IGSF21: variants seen among roughly 807,000 people sequenced by gnomAD.
The protein encoded by IGSF21 is immunoglobulin superfamily member 21.
In IGSF21, 28 loss-of-function variants were observed where a neutral mutation model predicts 46.8. The observed-to-expected ratio is 0.60, with a 90% CI of 0.44 to 0.82. The LOEUF is 0.82. Ranked by LOEUF, IGSF21 falls within the 40% of genes least tolerant of loss-of-function variation. IGSF21 has a pLI of 0.00. For missense variants in IGSF21, 624 were observed against 665.5 expected (o/e 0.94, Z 0.69); for synonymous variants, 284 against 273.6 (o/e 1.04, Z -0.38).
chr1:18,263,767 A>T (rs1315082709), intron 2 of IGSF21, among the ~76,000 whole-genome samples: 1 of 152,154 alleles, frequency 6.6e-6, no homozygotes, highest in South Asian at 2.1e-4. Flanking sequence ...CTTCCACTGC[A>T]TGCTCATCCC....
intron 1 of IGSF21, among the ~76,000 whole-genome samples, chr1:18,178,372 T>C (rs2086824283): frequency 6.6e-6 from 1 of 152,184 alleles, no homozygotes; most frequent in African/African-American, 2.4e-5. Context: ...CAGCCGAATG[T>C]CTTTCTTCCT....
At chr1:18,340,521 A>C (rs1220118611) in intron 4 of IGSF21, among the ~76,000 whole-genome samples, 2 of 152,228 alleles carry the variant, frequency 1.3e-5, no homozygotes, top group Non-Finnish European at 2.9e-5. Flanking sequence ...CAATAAGACA[A>C]GGTCCTTGCT....
intron 3 of IGSF21, among the ~76,000 whole-genome samples, chr1:18,330,777 C>T (rs1291045163): frequency 2.0e-5 from 3 of 152,196 alleles, no homozygotes; most frequent in African/African-American, 7.2e-5. Context: ...TATTGATAAA[C>T]TTTATTTTTT....
chr1:18,173,847 A>C (rs1038211647), intron 1 of IGSF21, among the ~76,000 whole-genome samples: 8 of 152,166 alleles, frequency 5.3e-5, no homozygotes, highest in Non-Finnish European at 8.8e-5. Context: ...TCGGTCTCCC[A>C]GGTTCAAGCG....
intron 5 of IGSF21, among the ~76,000 whole-genome samples, chr1:18,363,071 G>A (rs143865413): frequency 6.6e-6 from 1 of 152,316 alleles, no homozygotes; most frequent in African/African-American, 2.4e-5. Context: ...ATTTAAAAGT[G>A]AAGAGAGGCC....
chr1:18,168,593 C>G (rs929931235), intron 1 of IGSF21, among the ~76,000 whole-genome samples: 1 of 152,192 alleles, frequency 6.6e-6, no homozygotes, highest in African/African-American at 2.4e-5. Context: ...TCGCCTGTCC[C>G]TCTCTCCTTC....
intron 4 of IGSF21, among the ~76,000 whole-genome samples, chr1:18,347,637 G>T (rs1160661344): frequency 6.6e-6 from 1 of 152,216 alleles, no homozygotes; most frequent in Non-Finnish European, 1.5e-5. Context: ...CTTCCGTGGG[G>T]ATCTGAGGCC....
At chr1:18,277,796 C>A (rs1008017775) in intron 2 of IGSF21, among the ~76,000 whole-genome samples, 1 of 152,074 alleles carries the variant, frequency 6.6e-6, no homozygotes, top group African/African-American at 2.4e-5. Context: ...CCGTATAATT[C>A]GTTGATACGA....
chr1:18,289,128 T>G (rs1314936055), intron 2 of IGSF21, among the ~76,000 whole-genome samples: 1 of 152,160 alleles, frequency 6.6e-6, no homozygotes, highest in East Asian at 1.9e-4. Flanking sequence ...GAGACAGTTT[T>G]ACTGACAGAT....
In IGSF21 at chr1:18,261,205, C is replaced by T. The variant is rs76051075; in HGVS notation, c.184-30661C>T. Among the ~76,000 whole-genome samples the T allele has an allele frequency of 5.7e-3, 873 of 152,256 alleles. 11 individuals carry two copies. Among genetic ancestry groups the T allele is most frequent in the African/African-American group, 0.02 (822 of 41,542 alleles). On this transcript the variant is annotated intron_variant, in intron 2 of 9. Transcript: ENST00000251296. ...TGCTTGCAGCAACTAAATGAGAGGA[C>T]GCATGGGAAGCCCTTAGCACCGTGG...
chr1:18,361,944 G>A, intron 4 of IGSF21, 171 bp from the exon 5 acceptor site: 3 of 591,770 alleles, frequency 5.1e-6, no homozygotes, highest in South Asian at 4.1e-5. Context: ...TCCCAGCAAG[G>A]ACGTGTTCCT....
At chr1:18,242,209 G>A (rs1038612445) in intron 2 of IGSF21, among the ~76,000 whole-genome samples, 1 of 152,198 alleles carries the variant, frequency 6.6e-6, no homozygotes, top group African/African-American at 2.4e-5. Flanking sequence ...GATGACACAG[G>A]CAGCATGGTT....
chr1:18,157,531 G>A (rs1016033005), intron 1 of IGSF21, among the ~76,000 whole-genome samples: 1 of 152,190 alleles, frequency 6.6e-6, no homozygotes, highest in Non-Finnish European at 1.5e-5. Context: ...AAGGCAGGGG[G>A]TTCATTCATC....
chr1:18,357,302 T>C (rs2086029817), intron 4 of IGSF21, among the ~76,000 whole-genome samples: 1 of 138,928 alleles, frequency 7.2e-6, no homozygotes, highest in South Asian at 2.4e-4. Context: ...GGAGTGGGGA[T>C]GAGGGTGGAA....
chr1:18,304,223 C>G (rs758602201), intron 3 of IGSF21, among the ~76,000 whole-genome samples: 7 of 152,212 alleles, frequency 4.6e-5, no homozygotes, highest in Non-Finnish European at 7.3e-5. Context: ...TGAAGACTTG[C>G]TCTGGCTGAG....
At chr1:18,359,044 G>A (rs932886929) in intron 4 of IGSF21, among the ~76,000 whole-genome samples, 19 of 152,088 alleles carry the variant, frequency 1.2e-4, no homozygotes, top group African/African-American at 4.1e-4. Flanking sequence ...TGGGAGGATC[G>A]TTTGAGGCCA....
chr1:18,166,673 G>A (rs1229516291), intron 1 of IGSF21, among the ~76,000 whole-genome samples: 1 of 152,190 alleles, frequency 6.6e-6, no homozygotes. Context: ...GAGGGCCTGA[G>A]GGGAAGGGGG....
At chr1:18,243,192 C>T (rs1342210739) in intron 2 of IGSF21, among the ~76,000 whole-genome samples, 5 of 152,196 alleles carry the variant, frequency 3.3e-5, no homozygotes, top group Non-Finnish European at 7.3e-5. Context: ...CTCTGGACCC[C>T]TCCCTAGAGA....
At chr1:18,242,546 C>T (rs2124519252) in intron 2 of IGSF21, among the ~76,000 whole-genome samples, 1 of 152,262 alleles carries the variant, frequency 6.6e-6, no homozygotes, top group East Asian at 1.9e-4. Context: ...GGGGGACCTG[C>T]TGTAATGGCT....
Sources: allele counts gnomAD v4.1 joint callset (sites outside exome capture counted in the v4.1 genomes callset), GRCh38; gene constraint gnomAD v4.1.1; transcripts MANE v1.5; gene names NCBI Gene and HGNC (gene_info 2026-07-23, HGNC 2026-07-21).